The following AAGAB variants were observed in gnomAD, a reference collection of about 807,000 sequenced individuals.
The protein encoded by AAGAB is alpha and gamma adaptin binding protein.
Under a neutral mutation model 44.1 loss-of-function variants are expected in AAGAB, and 38 were observed. That is an observed-to-expected ratio of 0.86 (90% CI 0.67 to 1.13). The LOEUF is 1.13. AAGAB is among the 50% of genes most tolerant of loss of function. The pLI is 0.00. For synonymous variants in AAGAB, 131 were observed against 131.8 expected (o/e 0.99, Z 0.04); for missense variants, 450 against 373.8 (o/e 1.20, Z -1.68).
chr15:67,230,342 C>T (rs1195311380), intron 5 of AAGAB, among the ~76,000 whole-genome samples: 2 of 152,146 alleles, frequency 1.3e-5, no homozygotes, highest in Non-Finnish European at 2.9e-5. Flanking sequence ...TAGAATGTGA[C>T]CCTATTTGGA....
At chr15:67,216,148 AAAGAAGAAAATT>A (rs1282780208) in intron 5 of AAGAB, among the ~76,000 whole-genome samples, 1 of 152,110 alleles carries the variant, frequency 6.6e-6, no homozygotes. Flanking sequence ...AGAAAAGTAT[AAAGAAGAAAATT>A]AGGCCAGGCA....
chr15:67,222,242 G>GCGCGCGCGCGCGCGCACACACACACA (rs1367738219), intron 5 of AAGAB, among the ~76,000 whole-genome samples: 5 of 90,044 alleles, frequency 5.6e-5, no homozygotes, highest in African/African-American at 1.9e-4. Flanking sequence ...GCGCGCGCGC[G>GCGCGCGCGCGCGCGCACACACACACA]CACACACACA....
At position 67,208,635 on chromosome 15, in the gene AAGAB, A is replaced by G; in HGVS notation, c.642T>C (p.Asp214=). 2 of 1,614,138 alleles carry G rather than the reference A, an allele frequency of 1.2e-6. No individual in the cohort carries two copies. The highest frequency in any genetic ancestry group is 1.7e-6 in the Non-Finnish European group (2 of 1,180,002). Residue 214 remains aspartate (D), a synonymous_variant, in exon 7 of 10, where the codon GAT becomes GAC. Coordinates refer to ENST00000261880, the MANE Select transcript of AAGAB (RefSeq NM_024666.5). The part of the protein sequence containing the change: ...HPEQPHLPAA[D]STESLSDHRG... ...GATGATCAGAGAGGGATTCAGTACT[A>G]TCTGCTGCTGGCAAATGGGGTTGCT...
chr15:67,220,808 T>A (rs1421987959), intron 5 of AAGAB, among the ~76,000 whole-genome samples: 1 of 152,196 alleles, frequency 6.6e-6, no homozygotes. Context: ...TCAACTTGAA[T>A]TAGGTACAAC....
In AAGAB at chr15:67,250,637, G is replaced by C. The variant is rs142558677; in HGVS notation, c.73+3922C>G. Among the ~76,000 whole-genome samples the C allele has an allele frequency of 5.8e-3, 886 of 152,306 alleles. 14 individuals are homozygous for C. The highest frequency in any genetic ancestry group is 0.021 in the African/African-American group (855 of 41,568). On this transcript the variant is annotated intron_variant, in intron 1 of 9. Coordinates refer to ENST00000261880, the MANE Select transcript of AAGAB (RefSeq NM_024666.5). ...AGTAAAACTTTTGTAAAATATATGTGAGGTGGAAAGAGCTCTGGCCATGGA... is the reference window on the plus strand; with the variant it reads ...AGTAAAACTTTTGTAAAATATATGTCAGGTGGAAAGAGCTCTGGCCATGGA...
chr15:67,205,297 T>A (rs1483068228), intron 7 of AAGAB, among the ~76,000 whole-genome samples: 1 of 152,242 alleles, frequency 6.6e-6, no homozygotes, highest in African/African-American at 2.4e-5. Flanking sequence ...ATAGACAATT[T>A]GGTGTTAAAA....
chr15:67,212,640 G>A (rs972973526), intron 5 of AAGAB, among the ~76,000 whole-genome samples: 1 of 152,084 alleles, frequency 6.6e-6, no homozygotes, highest in African/African-American at 2.4e-5. Flanking sequence ...ATTATGTTCC[G>A]CTGCTTATAT....
At chr15:67,237,654 A>G (rs1209304825) in intron 1 of AAGAB, among the ~76,000 whole-genome samples, 2 of 152,188 alleles carry the variant, frequency 1.3e-5, no homozygotes, top group African/African-American at 4.8e-5. Context: ...GAGAAGTTAG[A>G]AGTTGTTCCA....
intron 5 of AAGAB, among the ~76,000 whole-genome samples, chr15:67,222,236 G>GCACACACACA (rs1428034588): frequency 4.3e-4 from 17 of 39,234 alleles, no homozygotes; most frequent in African/African-American, 1.4e-3. Flanking sequence ...GCGCACGCGC[G>GCACACACACA]CGCGCGCACA....
At position 67,247,040 on chromosome 15, in the gene AAGAB, G is replaced by A. The variant is rs148307462; in HGVS notation, c.73+7519C>T. ...TTATGAGTTGTAACACTCACCGTGA[G>A]GGTCTGCAGCTTCATTCCTGAAGTC... On this transcript the variant is annotated intron_variant, in intron 1 of 9. Coordinates refer to ENST00000261880, the MANE Select transcript of AAGAB (RefSeq NM_024666.5). Among the ~76,000 whole-genome samples the A allele has an allele frequency of 8.7e-3, 1,327 of 152,272 alleles. 17 individuals are homozygous for A. Among genetic ancestry groups the A allele is most frequent in the African/African-American group, 0.029 (1,201 of 41,530 alleles).
At chr15:67,212,563 A>C (rs1215939413) in intron 5 of AAGAB, among the ~76,000 whole-genome samples, 1 of 152,198 alleles carries the variant, frequency 6.6e-6, no homozygotes, top group Non-Finnish European at 1.5e-5. Context: ...GCTAATTATA[A>C]TAAGCCAGAA....
Position 67,201,252 on chromosome 15 carries a change from G to T in AAGAB, c.*1569C>A, listed in dbSNP as rs1252713425. ...TCAAAGAAACACTGATGGGCTGGTGGTGAACCACAGACTCAAAGTCTTTCA... is the reference window on the plus strand; with the variant it reads ...TCAAAGAAACACTGATGGGCTGGTGTTGAACCACAGACTCAAAGTCTTTCA... On this transcript the variant is annotated 3_prime_UTR_variant, in exon 10 of 10. Coordinates refer to ENST00000261880, the MANE Select transcript of AAGAB (RefSeq NM_024666.5). 6.7e-6 allele frequency: 1 copy of T among 148,422 alleles called. No individual in the cohort carries two copies. Among genetic ancestry groups the T allele is most frequent in the Non-Finnish European group, 1.5e-5 (1 of 67,460 alleles). 9.2% of individuals were successfully genotyped at this position (148,422 alleles called of 1,614,324 possible).
At chr15:67,209,593 CT>C (rs1963764597) in intron 5 of AAGAB, 49 bp from the exon 6 acceptor site, 1 of 1,400,106 alleles carries the variant, frequency 7.1e-7, no homozygotes, top group Non-Finnish European at 1.0e-6. Context: ...ACATTTTAAA[CT>C]GTTCAAATGG....
At chr15:67,233,702 G>T (rs1339520941) in intron 4 of AAGAB, among the ~76,000 whole-genome samples, 1 of 152,086 alleles carries the variant, frequency 6.6e-6, no homozygotes, top group African/African-American at 2.4e-5. Flanking sequence ...CACAGAAAGT[G>T]GAAACAATAC....
chr15:67,206,794 C>T (rs1428137090), intron 7 of AAGAB, among the ~76,000 whole-genome samples: 1 of 152,176 alleles, frequency 6.6e-6, no homozygotes, highest in Non-Finnish European at 1.5e-5. Flanking sequence ...CCAAGAGATG[C>T]TCCAGGGTCA....
At chr15:67,212,608 T>G (rs1364847778) in intron 5 of AAGAB, among the ~76,000 whole-genome samples, 3 of 152,216 alleles carry the variant, frequency 2.0e-5, no homozygotes, top group Non-Finnish European at 4.4e-5. Flanking sequence ...ATGAAGAATT[T>G]AGTCAACTAA....
chr15:67,226,729 T>C (rs1314426014), intron 5 of AAGAB: 1 of 152,368 alleles, frequency 6.6e-6, no homozygotes, highest in Non-Finnish European at 1.5e-5. Flanking sequence ...ATTACTAACT[T>C]TTAAGAAGAC....
chr15:67,216,163 G>T (rs1356468251), intron 5 of AAGAB, among the ~76,000 whole-genome samples: 1 of 151,936 alleles, frequency 6.6e-6, no homozygotes, highest in East Asian at 1.9e-4. Context: ...AGAAAATTAG[G>T]CCAGGCACGG....
At chr15:67,234,942 C>T (rs1964427148) in intron 4 of AAGAB, among the ~76,000 whole-genome samples, 1 of 152,196 alleles carries the variant, frequency 6.6e-6, no homozygotes, top group African/African-American at 2.4e-5. Flanking sequence ...AAGGTAACAG[C>T]ATTTTGGAAA....
Sources: gnomAD v4.1 joint callset for allele counts (sites outside exome capture counted in the v4.1 genomes callset) on GRCh38, gnomAD v4.1.1 for gene constraint, MANE v1.5 for transcripts, NCBI Gene and HGNC (gene_info 2026-07-23, HGNC 2026-07-21) for gene names.